Variants in RBFOX3 observed in about 807,000 individuals in gnomAD.
RBFOX3 encodes the protein RNA binding fox-1 homolog 3.
A neutral mutation model predicts 48.7 loss-of-function variants in RBFOX3; 17 were observed. The ratio of observed to expected loss-of-function variants is 0.35; its 90% CI spans 0.24 to 0.52. The LOEUF is 0.52. Among genes scored for constraint, RBFOX3 ranks in the 20% least tolerant of loss-of-function variants. The pLI is 0.94. For synonymous variants in RBFOX3, 212 were observed against 209.5 expected (o/e 1.01, Z -0.10); for missense variants, 382 against 497.5 (o/e 0.77, Z 2.21).
At chr17:79,306,936 T>C (rs1159407996) in intron 3 of RBFOX3, among the ~76,000 whole-genome samples, 1 of 152,208 alleles carries the variant, frequency 6.6e-6, no homozygotes, top group African/African-American at 2.4e-5. Flanking sequence ...TCCACGACTC[T>C]TGGAGAGTCT....
intron 2 of RBFOX3, among the ~76,000 whole-genome samples, chr17:79,374,505 G>C (rs749508201): frequency 2.0e-5 from 3 of 152,246 alleles, no homozygotes; most frequent in Non-Finnish European, 2.9e-5. Flanking sequence ...ACTTAGGGCA[G>C]CAAATAAAAC....
intron 3 of RBFOX3, among the ~76,000 whole-genome samples, chr17:79,288,100 G>A (rs1453700154): frequency 1.3e-5 from 2 of 152,054 alleles, no homozygotes; most frequent in African/African-American, 4.8e-5. Context: ...ATGCCAAAAT[G>A]CCACCTTCTC....
At chr17:79,521,426 AC>A (rs1185638061) in intron 1 of RBFOX3, among the ~76,000 whole-genome samples, 1 of 151,576 alleles carries the variant, frequency 6.6e-6, no homozygotes, top group African/African-American at 2.4e-5. Context: ...ACAGACTCAC[AC>A]TCTCATACAC....
intron 1 of RBFOX3, among the ~76,000 whole-genome samples, chr17:79,550,005 G>A (rs2090979444): frequency 6.6e-6 from 1 of 152,148 alleles, no homozygotes; most frequent in Non-Finnish European, 1.5e-5. Context: ...GCCGTGCCGG[G>A]CACCATCCAG....
intron 4 of RBFOX3, among the ~76,000 whole-genome samples, chr17:79,174,295 A>G (rs12940330): frequency 0.43 from 64,802 of 151,368 alleles, 14,322 homozygotes; most frequent in Non-Finnish European, 0.49. Context: ...TACATGCCAC[A>G]TGCACACAAT....
At chr17:79,216,628 T>C (rs532397291) in intron 4 of RBFOX3, among the ~76,000 whole-genome samples, 151 of 152,230 alleles carry the variant, frequency 9.9e-4, no homozygotes, top group African/African-American at 3.5e-3. Flanking sequence ...GGCTTCTCTG[T>C]GGCAGTGAGC....
chr17:79,568,429 C>T (rs971116237), intron 1 of RBFOX3, among the ~76,000 whole-genome samples: 1 of 152,052 alleles, frequency 6.6e-6, no homozygotes, highest in Non-Finnish European at 1.5e-5. Flanking sequence ...AGGTTTGAGA[C>T]ACTCAACTGA....
intron 2 of RBFOX3, among the ~76,000 whole-genome samples, chr17:79,478,122 G>T (rs1032115691): frequency 6.6e-5 from 10 of 152,232 alleles, no homozygotes; most frequent in Non-Finnish European, 1.3e-4. Flanking sequence ...GCTCATGCGG[G>T]CAGCCTGTGT....
chr17:79,429,739 T>C (rs2068069932), intron 2 of RBFOX3, among the ~76,000 whole-genome samples: 1 of 152,080 alleles, frequency 6.6e-6, no homozygotes, highest in South Asian at 2.1e-4. Flanking sequence ...AATCAATGAC[T>C]CGTCGGGGCC....
At chr17:79,096,504 G>A in intron 12 of RBFOX3, 149 bp downstream of exon 12, 1 of 683,602 alleles carries the variant, frequency 1.5e-6, no homozygotes, top group African/African-American at 1.8e-5. Flanking sequence ...GCCATACTCT[G>A]GGCAGACGTG....
chr17:79,171,610 C>T (rs1460535042), intron 4 of RBFOX3, among the ~76,000 whole-genome samples: 1 of 150,206 alleles, frequency 6.7e-6, no homozygotes, highest in African/African-American at 2.5e-5. Flanking sequence ...ACACTAATTA[C>T]TAACATTTAA....
intron 4 of RBFOX3, among the ~76,000 whole-genome samples, chr17:79,202,089 C>A (rs1175261486): frequency 6.6e-6 from 1 of 152,144 alleles, no homozygotes; most frequent in East Asian, 1.9e-4. Context: ...TGACCTCGGT[C>A]CCCTGGGTGC....
At chr17:79,573,056 G>A (rs2092733465) in intron 1 of RBFOX3, among the ~76,000 whole-genome samples, 1 of 152,176 alleles carries the variant, frequency 6.6e-6, no homozygotes, top group African/African-American at 2.4e-5. Context: ...GGCGTCCTGG[G>A]TACACCTGGC....
At chr17:79,459,516 C>G (rs1555747398) in intron 2 of RBFOX3, among the ~76,000 whole-genome samples, 1 of 152,112 alleles carries the variant, frequency 6.6e-6, no homozygotes, top group Non-Finnish European at 1.5e-5. Context: ...ATGCCAAGGA[C>G]CAGATGGTAC....
rs143563862 is a variant in RBFOX3, at chr17:79,140,259, C to T, written c.-33-24511G>A. Among the ~76,000 whole-genome samples the T allele has an allele frequency of 1.6e-3, 246 of 152,366 alleles. 1 individual carries two copies. The highest frequency in any genetic ancestry group is 2.9e-3 in the Non-Finnish European group (199 of 68,042). On this transcript the variant is annotated intron_variant, in intron 4 of 14. Coordinates refer to ENST00000693108, the MANE Select transcript of RBFOX3 (RefSeq NM_001350451.2). The stretch of plus-strand genomic sequence containing the variant: ...GAGCTTAGTGGCTATGGGCAAGTCA[C>T]GCAGCTCAAGTATAACAGCTCAGCT...
At chr17:79,540,401 G>A (rs1039264523) in intron 1 of RBFOX3, among the ~76,000 whole-genome samples, 3 of 152,188 alleles carry the variant, frequency 2.0e-5, no homozygotes, top group Non-Finnish European at 2.9e-5. Flanking sequence ...CGGAGGCCCC[G>A]GCACACAGTG....
chr17:79,159,086 C>A (rs779585843), intron 4 of RBFOX3, among the ~76,000 whole-genome samples: 3 of 152,212 alleles, frequency 2.0e-5, no homozygotes, highest in Non-Finnish European at 2.9e-5. Context: ...GCTACCGAGG[C>A]CACACGAGAA....
intron 1 of RBFOX3, among the ~76,000 whole-genome samples, chr17:79,518,331 C>G (rs1335504531): frequency 6.6e-6 from 1 of 152,230 alleles, no homozygotes; most frequent in Non-Finnish European, 1.5e-5. Flanking sequence ...TATATACGAT[C>G]TATGACAGCA....
rs901586929 is a variant in RBFOX3, at chr17:79,195,064, C to T, written c.-34+40702G>A. 5.3e-5 allele frequency among the ~76,000 whole-genome samples: 8 copies of T among 152,012 alleles called. No individual in the cohort carries two copies. The highest frequency in any genetic ancestry group is 1.7e-4 in the African/African-American group (7 of 41,366). ...ACCGACATCAGCTCACTATCATCCC[C>T]ATTGCCTGCGCGGTGCCTGGCCACG... On this transcript the variant is annotated intron_variant, in intron 4 of 14. Coordinates refer to ENST00000693108, the MANE Select transcript of RBFOX3 (RefSeq NM_001350451.2). This position sits in a 1 kb window ranked among gnomAD's most constrained non-coding sequence, Gnocchi z 5.3.
Sources: gnomAD v4.1 joint callset for allele counts (sites outside exome capture counted in the v4.1 genomes callset) on GRCh38, gnomAD v4.1.1 for gene constraint, Gnocchi (gnomAD v3.1) non-coding constraint, MANE v1.5 for transcripts, NCBI Gene and HGNC (gene_info 2026-07-23, HGNC 2026-07-21) for gene names.